PPCDC: variants seen among roughly 807,000 people sequenced by gnomAD.
PPCDC encodes phosphopantothenoylcysteine decarboxylase.
In PPCDC, 20 loss-of-function variants were observed where a neutral mutation model predicts 20.7. The observed-to-expected ratio is 0.97, with a 90% CI of 0.68 to 1.41. The LOEUF is 1.41. PPCDC is among the 40% of genes most tolerant of loss of function. The pLI, the probability that PPCDC is intolerant of heterozygous loss-of-function variation, is 0.00. For missense variants in PPCDC, 246 were observed against 263.8 expected (o/e 0.93, Z 0.47); for synonymous variants, 88 against 100.3 (o/e 0.88, Z 0.73).
rs2066286901 is a variant in PPCDC at position 75,049,625 on chromosome 15, C to CGG, written c.*393_*394dup. ...AGCCTTGGGAGTTTCAGCTCTTTGG[C>CGG]GGGGTGCCCAGGTGCCATGCGATCA... is the stretch of plus-strand genomic sequence containing the variant. On this transcript the variant is annotated 3_prime_UTR_variant, in exon 6 of 6. Coordinates refer to ENST00000342932, the MANE Select transcript of PPCDC (RefSeq NM_021823.5). The CGG allele has an allele frequency of 2.2e-5, 4 of 178,798 alleles. No homozygotes were observed. Among genetic ancestry groups the CGG allele is most frequent in the Admixed American group, 1.2e-4 (2 of 17,094 alleles). 11.1% of individuals were successfully genotyped at this position (178,798 alleles called of 1,614,324 possible). A position where few individuals can be genotyped will look rare whatever the true frequency, so the allele number is the denominator to read the frequency against.
intron 4 of PPCDC, 193 bp downstream of exon 4, chr15:75,044,707 G>C: frequency 1.4e-6 from 1 of 725,306 alleles, no homozygotes; most frequent in Non-Finnish European, 2.1e-6. Flanking sequence ...CCCTGGTCCT[G>C]ATGGGTCAGT....
intron 4 of PPCDC, among the ~76,000 whole-genome samples, chr15:75,045,817 TA>T (rs1283192843): frequency 6.7e-6 from 1 of 148,916 alleles, no homozygotes; most frequent in Non-Finnish European, 1.5e-5. Flanking sequence ...CCAGGAGTTC[TA>T]GGCTGCGGTG....
At chr15:75,034,945 T>G (rs1214511319) in intron 2 of PPCDC, among the ~76,000 whole-genome samples, 3 of 152,138 alleles carry the variant, frequency 2.0e-5, no homozygotes, top group African/African-American at 7.2e-5. Flanking sequence ...TAAATTTTCT[T>G]GTATATTCCA....
intron 4 of PPCDC, among the ~76,000 whole-genome samples, chr15:75,046,547 GAA>G (rs1395804844): frequency 6.6e-6 from 1 of 152,270 alleles, no homozygotes; most frequent in Admixed American, 6.5e-5. Flanking sequence ...GCTGGGAAGT[GAA>G]ACATGTTCCC....
At chr15:75,033,924 A>T (rs1448598152) in intron 2 of PPCDC, among the ~76,000 whole-genome samples, 1 of 152,076 alleles carries the variant, frequency 6.6e-6, no homozygotes, top group Non-Finnish European at 1.5e-5. Context: ...GAATTTTCTG[A>T]AGTTGGGGAA....
intron 4 of PPCDC, 59 bp from the exon 5 acceptor site, chr15:75,048,494 C>T (rs913405407): frequency 1.7e-5 from 26 of 1,574,274 alleles, no homozygotes; most frequent in Non-Finnish European, 2.0e-5. Flanking sequence ...GTCTGGAGGG[C>T]GGTGGGGAGG....
intron 2 of PPCDC, among the ~76,000 whole-genome samples, chr15:75,034,443 C>T (rs967336121): frequency 6.6e-6 from 1 of 152,110 alleles, no homozygotes; most frequent in Non-Finnish European, 1.5e-5. Context: ...AAATGTTTGC[C>T]GAGTAGAGGC....
chr15:75,036,412 A>T (rs532098476), intron 2 of PPCDC, among the ~76,000 whole-genome samples: 2 of 152,344 alleles, frequency 1.3e-5, no homozygotes, highest in Non-Finnish European at 2.9e-5. Flanking sequence ...TGGGCCTGCT[A>T]GACAGCACTG....
intron 4 of PPCDC, 103 bp from the exon 5 acceptor site, chr15:75,048,450 A>T: frequency 6.8e-7 from 1 of 1,466,332 alleles, no homozygotes; most frequent in East Asian, 2.3e-5. Context: ...GTGCCCAGTC[A>T]TCTCAAGCCT....
chr15:75,044,629 A>G, intron 4 of PPCDC, 115 bp downstream of exon 4: 2 of 1,385,426 alleles, frequency 1.4e-6, no homozygotes, highest in Admixed American at 2.4e-5. Flanking sequence ...CTGCCCAGGG[A>G]GATCGTGCTC....
Position 75,044,507 on chromosome 15 carries a change from A to C in PPCDC, c.353A>C (p.Asn118Thr), listed in dbSNP as rs1366802256. 2 of 1,613,720 alleles carry C rather than the reference A, an allele frequency of 1.2e-6. No homozygotes were observed. The highest frequency in any genetic ancestry group is 1.7e-6 in the Non-Finnish European group (2 of 1,179,816). ...AAGGTGGCCAGTGGCATCTGTGACA[A>C]CTTGCTTGTGAGTGATGTCCTGGTG... is the stretch of plus-strand genomic sequence containing the variant. ...LGKVASGICD[N>T]LLTCVMRAWD... is the part of the protein sequence containing the mutation. The change falls in exon 4 of 6, where the codon AAC becomes ACC. Residue 118 changes from asparagine (N) to threonine (T), a missense_variant. This residue lies in a region of PPCDC where 225 missense variants were observed against 222.6 expected (regional missense o/e 1.01). Coordinates refer to ENST00000342932, the MANE Select transcript of PPCDC (RefSeq NM_021823.5).
chr15:75,039,784 C>G (rs77051814), intron 2 of PPCDC, among the ~76,000 whole-genome samples: 1 of 140,324 alleles, frequency 7.1e-6, no homozygotes, highest in African/African-American at 2.8e-5. Flanking sequence ...TCTTTTCTTT[C>G]TTTGTTTTTT....
intron 1 of PPCDC, among the ~76,000 whole-genome samples, chr15:75,027,897 G>A (rs2065975993): frequency 1.3e-5 from 2 of 152,146 alleles, no homozygotes; most frequent in African/African-American, 4.8e-5. Flanking sequence ...TGGCAAGATT[G>A]TTCCTTCCTT....
chr15:75,040,168 G>A (rs961074257), intron 2 of PPCDC, among the ~76,000 whole-genome samples: 1 of 151,886 alleles, frequency 6.6e-6, no homozygotes, highest in African/African-American at 2.4e-5. Flanking sequence ...CTGCAGCCTC[G>A]ACTTCCTGGG....
intron 1 of PPCDC, chr15:75,028,030 T>C: frequency 2.7e-6 from 1 of 376,510 alleles, no homozygotes. Flanking sequence ...GCCACGCACC[T>C]GGTACAGCCC....
intron 3 of PPCDC, 29 bp from the exon 4 acceptor site, chr15:75,044,357 C>T: frequency 6.2e-7 from 1 of 1,610,944 alleles, no homozygotes; most frequent in Non-Finnish European, 8.5e-7. Flanking sequence ...GCTTCCTCCA[C>T]ACTGACCCCT....
At chr15:75,046,549 A>C (rs1108059) in intron 4 of PPCDC, among the ~76,000 whole-genome samples, 35,746 of 152,264 alleles carry the variant, frequency 0.23, 4,991 homozygotes, top group Non-Finnish European at 0.31. Flanking sequence ...TGGGAAGTGA[A>C]ACATGTTCCC....
At chr15:75,047,574 C>A (rs1441047983) in intron 4 of PPCDC, among the ~76,000 whole-genome samples, 3 of 152,312 alleles carry the variant, frequency 2.0e-5, no homozygotes, top group Admixed American at 2.0e-4. Context: ...TTCTCTCTCC[C>A]CCAGGCGGCC....
At chr15:75,048,866 A>G in intron 5 of PPCDC, 145 bp downstream of exon 5, 1 of 1,186,016 alleles carries the variant, frequency 8.4e-7, no homozygotes, top group Non-Finnish European at 1.2e-6. Context: ...TGGGAATCGT[A>G]ATTCCTGCCT....
Sources: gnomAD v4.1 joint callset for allele counts (sites outside exome capture counted in the v4.1 genomes callset) on GRCh38, gnomAD v4.1.1 for gene constraint, gnomAD v4.1.1 regional missense constraint, MANE v1.5 for transcripts, NCBI Gene and HGNC (gene_info 2026-07-23, HGNC 2026-07-21) for gene names.